The following KCTD1 variants were observed in gnomAD, a reference collection of about 807,000 sequenced individuals.
KCTD1 encodes the protein potassium channel tetramerization domain containing 1.
In KCTD1, 24 loss-of-function variants were observed where a neutral mutation model predicts 66.0. That is an observed-to-expected ratio of 0.36 (90% CI 0.26 to 0.51). The LOEUF is 0.51. Ranked by LOEUF, KCTD1 falls within the 20% of genes least tolerant of loss-of-function variation. KCTD1 has a pLI of 0.95. For missense variants in KCTD1, 943 were observed against 1,205.2 expected, an observed-to-expected ratio of 0.78 and a Z score of 3.22; for synonymous variants, 511 against 517.2, an observed-to-expected ratio of 0.99 and a Z score of 0.16.
chr18:26,642,615 T>C (rs1006325174), upstream of KCTD1, among the ~76,000 whole-genome samples: 1 of 152,188 alleles, frequency 6.6e-6, no homozygotes, highest in African/African-American at 2.4e-5. Flanking sequence ...AAAAAAACTG[T>C]TAAGGAAGTA....
At chr18:26,640,234 G>C (rs1210187146) in intron 1 of KCTD1, 5 of 152,406 alleles carry the variant, frequency 3.3e-5, no homozygotes, top group African/African-American at 9.7e-5. Flanking sequence ...CCAGGAGTTC[G>C]AGACCAGTCC....
rs376409065 is a variant in KCTD1, at chr18:26,651,641, G to A, written c.9+5719C>T. ...TCTACTAAGAATAGAAAAATTAGCCGATCATGGTGGCGGGCACCTGTAGTC... is the reference window on the plus strand; with the variant it reads ...TCTACTAAGAATAGAAAAATTAGCCAATCATGGTGGCGGGCACCTGTAGTC... On this transcript the variant is annotated intron_variant, in intron 1 of 4. Transcript: ENST00000580191. Among the ~76,000 whole-genome samples, 6 of 152,004 alleles carry A rather than the reference G, an allele frequency of 3.9e-5. No individual in the cohort carries two copies. In the East Asian group the frequency reaches 5.8e-4, roughly 15 times the overall value.
At chr18:26,605,724 A>ATATCTATCTATCTATCTATC (rs10680402) in intron 1 of KCTD1, among the ~76,000 whole-genome samples, 5 of 136,148 alleles carry the variant, frequency 3.7e-5, no homozygotes, top group East Asian at 2.2e-4. Context: ...ATATATCTCT[A>ATATCTATCTATCTATCTATC]TATCTATCTA....
rs1014368737 is a variant in KCTD1, at chr18:26,459,652, G to A, written c.2407C>T (p.Leu803=). The change falls in exon 4 of 5, where the codon CTA becomes TTA. Residue 803 remains leucine (L), a synonymous_variant. Coordinates refer to ENST00000580059, the MANE Select transcript of KCTD1 (RefSeq NM_001142730.3). ...HDSTHVIRFP[L]NGYCHLNSVQ... ...GAGTTGAGGTGACAGTAGCCATTTA[G>A]TGGAAACCTGATGACGTGCGTCGAG... 3 of 1,606,598 alleles carry A rather than the reference G, an allele frequency of 1.9e-6. No homozygotes were observed. The African/African-American group carries it at 4.0e-5, about 21-fold the overall frequency.
intron 1 of KCTD1, among the ~76,000 whole-genome samples, chr18:26,564,290 C>T (rs1985931117): frequency 6.6e-6 from 1 of 152,174 alleles, no homozygotes; most frequent in South Asian, 2.1e-4. Flanking sequence ...CTTTTCCAGT[C>T]AAATTCTGAT....
chr18:26,580,985 T>C (rs1356884467), intron 1 of KCTD1, among the ~76,000 whole-genome samples: 1 of 152,192 alleles, frequency 6.6e-6, no homozygotes, highest in East Asian at 1.9e-4. Flanking sequence ...CCTAAACTAT[T>C]TATGATTTGG....
rs559178606 is a variant in KCTD1, at chr18:26,502,151, G to A, written c.1810-901C>T. Among the ~76,000 whole-genome samples the A allele has an allele frequency of 8.9e-4, 135 of 152,306 alleles. 1 individual carries two copies. The highest frequency in any genetic ancestry group is 1.7e-3 in the South Asian group (8 of 4,810). The stretch of plus-strand genomic sequence containing the variant: ...TGCCAGCTCCGCCTCCTGGGTTCAC[G>A]CCATTCTCCTGCCTCAGCCTCCTGA... On this transcript the variant is annotated intron_variant, in intron 1 of 4. Transcript: ENST00000580059.
At position 26,497,472 on chromosome 18, in the gene KCTD1, T is replaced by C. The variant is rs897683124; in HGVS notation, c.1988+3600A>G. On this transcript the variant is annotated intron_variant, in intron 2 of 4. Coordinates refer to ENST00000580059, the MANE Select transcript of KCTD1 (RefSeq NM_001142730.3). ...TGTCCTTGGATTTATCCAAGAGGGG[T>C]TGATAATATGCAAGAGACTTTCCCA... Among the ~76,000 whole-genome samples, 5 of 151,994 alleles carry C rather than the reference T, an allele frequency of 3.3e-5. No homozygotes were observed. The East Asian group carries it at 5.8e-4, about 18-fold the overall frequency.
chr18:26,626,782 A>T (rs1214300317), intron 1 of KCTD1, among the ~76,000 whole-genome samples: 1 of 152,142 alleles, frequency 6.6e-6, no homozygotes, highest in Admixed American at 6.5e-5. Context: ...GCAGGAAGTA[A>T]TATTTAATAA....
intron 1 of KCTD1, among the ~76,000 whole-genome samples, chr18:26,617,336 G>A (rs1213719357): frequency 6.6e-6 from 1 of 152,246 alleles, no homozygotes; most frequent in Non-Finnish European, 1.5e-5. Flanking sequence ...TCAGCCAAGA[G>A]GAATGTATGC....
chr18:26,565,693 C>T (rs1985965391), intron 1 of KCTD1: 2 of 150,638 alleles, frequency 1.3e-5, no homozygotes, highest in Non-Finnish European at 3.0e-5. Context: ...AGAACTTCTT[C>T]CCTGTGGGAT....
chr18:26,572,286 C>A (rs910072167), intron 1 of KCTD1, among the ~76,000 whole-genome samples: 1 of 152,152 alleles, frequency 6.6e-6, no homozygotes, highest in African/African-American at 2.4e-5. Context: ...TCTTGAACTC[C>A]TGACCTCATG....
chr18:26,502,608 G>T (rs3893678), intron 1 of KCTD1, among the ~76,000 whole-genome samples: 76,465 of 152,064 alleles, frequency 0.5, 20,361 homozygotes, highest in Non-Finnish European at 0.6. Flanking sequence ...CCAAACCACA[G>T]ACAAGTAAAG....
At chr18:26,576,272 A>T (rs754225078) in intron 1 of KCTD1, among the ~76,000 whole-genome samples, 5 of 152,204 alleles carry the variant, frequency 3.3e-5, no homozygotes, top group Non-Finnish European at 7.3e-5. Flanking sequence ...TTCTCCTGTG[A>T]TTAGTACAAT....
At chr18:26,509,604 T>G (rs550171628) in intron 1 of KCTD1, among the ~76,000 whole-genome samples, 1 of 152,270 alleles carries the variant, frequency 6.6e-6, no homozygotes, top group Non-Finnish European at 1.5e-5. Context: ...CTCGCTAAAA[T>G]CATCTAAAAT....
chr18:26,518,606 G>T (rs1364107199), intron 1 of KCTD1, among the ~76,000 whole-genome samples: 1 of 152,150 alleles, frequency 6.6e-6, no homozygotes, highest in Non-Finnish European at 1.5e-5. Context: ...GTTTGCAAAT[G>T]ATTATTAAAG....
chr18:26,504,550 T>G (rs1343947662), intron 1 of KCTD1, among the ~76,000 whole-genome samples: 1 of 151,980 alleles, frequency 6.6e-6, no homozygotes, highest in Non-Finnish European at 1.5e-5. Flanking sequence ...ATTTTTAACG[T>G]TTTTAGAGAC....
In KCTD1 at chr18:26,476,727, G is replaced by A. The variant is rs1981370097; in HGVS notation, c.1989-68C>T. 1.4e-6 allele frequency: 2 copies of A among 1,415,328 alleles called. No individual in the cohort carries two copies. Among genetic ancestry groups the A allele is most frequent in the South Asian group, 1.2e-5 (1 of 81,318 alleles). The allele number at this position is 1,415,328 out of a possible 1,614,324, so 87.7% of individuals were successfully genotyped here. On this transcript the variant is annotated intron_variant, in intron 2 of 4. Coordinates refer to ENST00000580059, the MANE Select transcript of KCTD1 (RefSeq NM_001142730.3). This position sits in a 1 kb window ranked among gnomAD's most constrained non-coding sequence, Gnocchi z 4.9. Reference sequence around the variant, plus strand: ...TGTTCGGGCACTAGGACTAAGAGGTGTCTTTTATCACTGTCAAAGGTAGCA... The same window carrying A: ...TGTTCGGGCACTAGGACTAAGAGGTATCTTTTATCACTGTCAAAGGTAGCA...
intron 1 of KCTD1, among the ~76,000 whole-genome samples, chr18:26,582,671 A>T (rs1386322029): frequency 1.3e-5 from 2 of 152,266 alleles, no homozygotes; most frequent in African/African-American, 4.8e-5. Flanking sequence ...GAAATAAATT[A>T]ACGTGCAGCC....
Sources: gnomAD v4.1 joint callset for allele counts (sites outside exome capture counted in the v4.1 genomes callset) on GRCh38, gnomAD v4.1.1 for gene constraint, Gnocchi (gnomAD v3.1) non-coding constraint, MANE v1.5 for transcripts, NCBI Gene and HGNC (gene_info 2026-07-23, HGNC 2026-07-21) for gene names.